Variants in SIPA1L2 observed in about 807,000 individuals in gnomAD.
SIPA1L2 encodes the protein signal-induced proliferation-associated 1-like protein 2.
Under a neutral mutation model 163.9 loss-of-function variants are expected in SIPA1L2, and 56 were observed. The observed-to-expected ratio is 0.34, with a 90% CI of 0.28 to 0.43. The LOEUF is 0.43. Among genes scored for constraint, SIPA1L2 ranks in the 20% least tolerant of loss-of-function variants. The probability of loss-of-function intolerance (pLI) is 1.00; values close to 1 mark genes in which losing one functional copy is unlikely to be tolerated. For synonymous variants in SIPA1L2, 877 were observed against 865.7 expected, an observed-to-expected ratio of 1.01 and a Z score of -0.23; for missense variants, 1,974 against 2,193.5, an observed-to-expected ratio of 0.90 and a Z score of 2.00.
At chr1:232,538,036 C>G (rs776355964) in intron 2 of SIPA1L2, among the ~76,000 whole-genome samples, 1 of 152,226 alleles carries the variant, frequency 6.6e-6, no homozygotes, top group Non-Finnish European at 1.5e-5. Flanking sequence ...ATCTCCCAGG[C>G]AAGTTCTTAC....
chr1:232,525,899 G>A (rs1405300184), intron 2 of SIPA1L2, among the ~76,000 whole-genome samples: 2 of 152,158 alleles, frequency 1.3e-5, no homozygotes, highest in African/African-American at 2.4e-5. Context: ...AGGGTGGAGC[G>A]ATTTACTCCC....
chr1:232,596,113 G>C (rs1010212562), intron 1 of SIPA1L2, among the ~76,000 whole-genome samples: 1 of 152,176 alleles, frequency 6.6e-6, no homozygotes, highest in African/African-American at 2.4e-5. Flanking sequence ...ACACAAAGAA[G>C]AGGAGAAAGA....
chr1:232,603,198 G>A, intron 1 of SIPA1L2, among the ~76,000 whole-genome samples: 1 of 152,272 alleles, frequency 6.6e-6, no homozygotes, highest in East Asian at 1.9e-4. Flanking sequence ...CAGAGATCTG[G>A]GGGGAAGACA....
intron 10 of SIPA1L2, among the ~76,000 whole-genome samples, chr1:232,447,241 T>C (rs1053052915): frequency 2.6e-5 from 4 of 152,246 alleles, no homozygotes; most frequent in Non-Finnish European, 5.9e-5. Flanking sequence ...TGTTTCTTTT[T>C]ACTCCTTTTA....
intron 2 of SIPA1L2, among the ~76,000 whole-genome samples, chr1:232,536,354 G>A (rs754680528): frequency 6.6e-6 from 1 of 152,176 alleles, no homozygotes; most frequent in Non-Finnish European, 1.5e-5. Context: ...CACCTTTAAG[G>A]AAAACTGGAG....
chr1:232,407,908 T>C (rs1048632967), intron 19 of SIPA1L2, among the ~76,000 whole-genome samples: 3 of 152,222 alleles, frequency 2.0e-5, no homozygotes, highest in Non-Finnish European at 4.4e-5. Flanking sequence ...TCCACTTCCC[T>C]TCCCCAGCTT....
intron 1 of SIPA1L2, among the ~76,000 whole-genome samples, chr1:232,628,998 G>T (rs1663225985): frequency 6.6e-6 from 1 of 152,002 alleles, no homozygotes; most frequent in African/African-American, 2.4e-5. Flanking sequence ...CTACAATTTT[G>T]TTTTGACCAA....
At chr1:232,527,540 C>T (rs1667764515) in intron 2 of SIPA1L2, among the ~76,000 whole-genome samples, 1 of 152,016 alleles carries the variant, frequency 6.6e-6, no homozygotes, top group Admixed American at 6.6e-5. Flanking sequence ...GAAAAGGAAA[C>T]TTAAACCACT....
At chr1:232,456,659 A>G (rs1663936021) in intron 10 of SIPA1L2, among the ~76,000 whole-genome samples, 1 of 152,196 alleles carries the variant, frequency 6.6e-6, no homozygotes, top group Admixed American at 6.5e-5. Flanking sequence ...CCTTCAAATG[A>G]CACTGATAGA....
chr1:232,448,235 C>T (rs984511956), intron 10 of SIPA1L2, among the ~76,000 whole-genome samples: 1 of 152,160 alleles, frequency 6.6e-6, no homozygotes, highest in African/African-American at 2.4e-5. Flanking sequence ...CCAAAGTCAG[C>T]CTGCGAAGCT....
intron 5 of SIPA1L2, among the ~76,000 whole-genome samples, chr1:232,484,942 C>T (rs992014387): frequency 6.6e-6 from 1 of 152,168 alleles, no homozygotes; most frequent in African/African-American, 2.4e-5. Context: ...TCATAGCTAT[C>T]TTAGTAAAAT....
At chr1:232,531,781 C>T (rs1253131874) in intron 2 of SIPA1L2, among the ~76,000 whole-genome samples, 2 of 151,974 alleles carry the variant, frequency 1.3e-5, no homozygotes, top group African/African-American at 2.4e-5. Context: ...ATGTAGGTGC[C>T]GGTATGGGCG....
chr1:232,622,411 T>G (rs1436425013), intron 1 of SIPA1L2, among the ~76,000 whole-genome samples: 1 of 152,218 alleles, frequency 6.6e-6, no homozygotes, highest in Non-Finnish European at 1.5e-5. Flanking sequence ...AAATGAACCC[T>G]GCTAATGGAC....
intron 3 of SIPA1L2, among the ~76,000 whole-genome samples, chr1:232,512,420 CAT>C (rs1290280100): frequency 3.9e-5 from 6 of 152,132 alleles, no homozygotes; most frequent in African/African-American, 1.4e-4. Flanking sequence ...CACATGCACA[CAT>C]ATGTTTATTG....
chr1:232,507,990 T>G (rs1015797475), intron 3 of SIPA1L2, among the ~76,000 whole-genome samples: 4 of 152,198 alleles, frequency 2.6e-5, no homozygotes, highest in African/African-American at 9.7e-5. Context: ...GAGACTTTAT[T>G]TCTTGCTTTT....
intron 19 of SIPA1L2, among the ~76,000 whole-genome samples, chr1:232,411,744 CCT>C (rs1660969138): frequency 6.6e-6 from 1 of 151,866 alleles, no homozygotes; most frequent in Non-Finnish European, 1.5e-5. Flanking sequence ...TAAAAGCTAC[CCT>C]CTCTCTGGGT....
chr1:232,566,836 G>C (rs1369237879), intron 2 of SIPA1L2, among the ~76,000 whole-genome samples: 1 of 152,134 alleles, frequency 6.6e-6, no homozygotes, highest in Non-Finnish European at 1.5e-5. Flanking sequence ...TGCAGTAATT[G>C]TTTCCTATTA....
chr1:232,421,904 T>C (rs1191940123), intron 18 of SIPA1L2, among the ~76,000 whole-genome samples: 1 of 152,220 alleles, frequency 6.6e-6, no homozygotes, highest in Non-Finnish European at 1.5e-5. Context: ...CATCAGTCCA[T>C]TCTGATAGGA....
At chr1:232,583,441 G>A (rs1465009683) in intron 1 of SIPA1L2, among the ~76,000 whole-genome samples, 1 of 152,162 alleles carries the variant, frequency 6.6e-6, no homozygotes, top group Admixed American at 6.5e-5. Flanking sequence ...GCTTATATTA[G>A]TTATCTTAAG....
Sources: allele counts gnomAD v4.1 joint callset (sites outside exome capture counted in the v4.1 genomes callset), GRCh38; gene constraint gnomAD v4.1.1; transcripts MANE v1.5; gene names NCBI Gene and HGNC (gene_info 2026-07-23, HGNC 2026-07-21).